Variants in LDAH observed in about 807,000 individuals in gnomAD.
The protein encoded by LDAH is lipid droplet associated hydrolase, also known as lipid droplet-associated hydrolase.
In LDAH, 26 loss-of-function variants were observed where a neutral mutation model predicts 29.6. The observed-to-expected ratio is 0.88, with a 90% confidence interval of 0.64 to 1.22. The LOEUF is 1.22. Ranked by LOEUF, LDAH falls within the 50% of genes most tolerant of loss-of-function variation. LDAH has a pLI of 0.00. For synonymous variants in LDAH, 117 were observed against 133.0 expected, an observed-to-expected ratio of 0.88 and a Z score of 0.83; for missense variants, 344 against 387.3, an observed-to-expected ratio of 0.89 and a Z score of 0.94.
Position 20,701,611 on chromosome 2 carries a change from C to T in LDAH, c.745G>A (p.Val249Met), listed in dbSNP as rs749986815. Reference sequence around the variant, plus strand: ...TTTATGGTTTCGTCATCTCTCTTCACCACCTCCATCATTTCTTGGCCCCCA... The same window carrying T: ...TTTATGGTTTCGTCATCTCTCTTCATCACCTCCATCATTTCTTGGCCCCCA... ...YLGGQEMMEV[V>M]KRDDETIKEH... The change falls in exon 6 of 7, where the codon GTG becomes ATG. Residue 249 changes from valine to methionine, a missense_variant. Val to Met is a conservative substitution (Grantham distance 21, BLOSUM62 1). Coordinates refer to ENST00000237822, the MANE Select transcript of LDAH (RefSeq NM_021925.4). 1.9e-6 allele frequency: 3 copies of T among 1,614,110 alleles called. No individual in the cohort carries two copies. Among genetic ancestry groups the T allele is most frequent in the East Asian group, 2.2e-5 (1 of 44,870 alleles).
At chr2:20,816,302 A>G (rs1055779062) in intron 1 of LDAH, among the ~76,000 whole-genome samples, 2 of 152,138 alleles carry the variant, frequency 1.3e-5, no homozygotes, top group Admixed American at 1.3e-4. Flanking sequence ...TGTAAATGAT[A>G]TAACTATACT....
intron 5 of LDAH, among the ~76,000 whole-genome samples, chr2:20,704,476 A>T (rs1407514164): frequency 6.6e-6 from 1 of 152,242 alleles, no homozygotes; most frequent in Non-Finnish European, 1.5e-5. Flanking sequence ...ATTATTCTAT[A>T]ACCTATTAAA....
At chr2:20,747,295 A>G (rs1667636417) in intron 4 of LDAH, among the ~76,000 whole-genome samples, 1 of 152,128 alleles carries the variant, frequency 6.6e-6, no homozygotes. Context: ...AACATCTTCA[A>G]AAAAACATTA....
intron 4 of LDAH, among the ~76,000 whole-genome samples, chr2:20,767,039 A>AGGGCCACAATCTGGGCGAGG (rs1409446137): frequency 6.6e-6 from 1 of 152,212 alleles, no homozygotes; most frequent in Non-Finnish European, 1.5e-5. Flanking sequence ...CGCACTGGGC[A>AGGGCCACAATCTGGGCGAGG]GGGCCACAAT....
At chr2:20,817,872 G>T (rs986290576) in intron 1 of LDAH, among the ~76,000 whole-genome samples, 2 of 151,848 alleles carry the variant, frequency 1.3e-5, no homozygotes, top group African/African-American at 2.4e-5. Flanking sequence ...ATCTCAAAAA[G>T]TTACATACGG....
intron 1 of LDAH, 120 bp downstream of exon 1, chr2:20,822,917 G>T (rs917862930): frequency 6.6e-6 from 1 of 152,290 alleles, no homozygotes. Context: ...GGGCCATCTG[G>T]CCCAGGGCAA....
chr2:20,762,085 T>G (rs1668728027), intron 4 of LDAH, among the ~76,000 whole-genome samples: 1 of 152,098 alleles, frequency 6.6e-6, no homozygotes, highest in Non-Finnish European at 1.5e-5. Context: ...ATCCTTAATA[T>G]TCTATAATTA....
intron 5 of LDAH, among the ~76,000 whole-genome samples, chr2:20,708,436 A>G (rs2149367501): frequency 6.6e-6 from 1 of 152,376 alleles, no homozygotes. Flanking sequence ...ATAGAAGTAC[A>G]AAAATATCCA....
Position 20,740,009 on chromosome 2 carries a change from T to G in LDAH, c.665A>C (p.Glu222Ala). 6.2e-7 allele frequency: 1 copy of G among 1,614,056 alleles called. No individual in the cohort carries two copies. The highest frequency in any genetic ancestry group is 8.5e-7 in the Non-Finnish European group (1 of 1,179,942). Residue 222 changes from glutamate to alanine, a missense_variant, in exon 5 of 7, where the codon GAA (glutamate) becomes GCA (alanine). Coordinates refer to ENST00000237822, the MANE Select transcript of LDAH (RefSeq NM_021925.4). The stretch of plus-strand genomic sequence containing the variant: ...TTCTAATATATTCAATGGTGAAAAT[T>G]CATTCTCTAGGTTCATTACTTGAAG... ...RGLQVMNLEN[E>A]FSPLNILEPF...
rs1663623691 is a variant in LDAH at position 20,698,071 on chromosome 2, G to A, written c.786+3499C>T. On this transcript the variant is annotated intron_variant, in intron 6 of 6. Coordinates refer to ENST00000237822, the MANE Select transcript of LDAH (RefSeq NM_021925.4). The surrounding 1 kb of genome is among the most constrained non-coding windows in gnomAD (Gnocchi z 4.4). The stretch of plus-strand genomic sequence containing the variant: ...ACATCATTGTGAGTAGAATCCAAAA[G>A]CTTTATGAGAGAGCGAAAGAGATGC... Among the ~76,000 whole-genome samples, 1 of 152,126 alleles carries A rather than the reference G, an allele frequency of 6.6e-6. No homozygotes were observed. The highest frequency in any genetic ancestry group is 2.1e-4 in the South Asian group (1 of 4,826).
At position 20,776,931 on chromosome 2, in the gene LDAH, G is replaced by T. The variant is rs79025462; in HGVS notation, c.299-1952C>A. On this transcript the variant is annotated intron_variant, in intron 3 of 6. Coordinates refer to ENST00000237822, the MANE Select transcript of LDAH (RefSeq NM_021925.4). Reference sequence around the variant, plus strand: ...GGCTCTGGAGATGAGATACATCTGGGTTTAAATCTCAGCTCAGCATCTCCC... The same window carrying T: ...GGCTCTGGAGATGAGATACATCTGGTTTTAAATCTCAGCTCAGCATCTCCC... Among the ~76,000 whole-genome samples, 280 of 152,308 alleles carry T rather than the reference G, an allele frequency of 1.8e-3. 7 individuals carry two copies. The East Asian group carries it at 0.049, about 27-fold the overall frequency.
chr2:20,769,468 C>T (rs1181816376), intron 4 of LDAH, among the ~76,000 whole-genome samples: 3 of 152,280 alleles, frequency 2.0e-5, no homozygotes, highest in East Asian at 1.9e-4. Context: ...AATATGAATG[C>T]TTCTTACAAG....
At chr2:20,752,746 G>C (rs1668052320) in intron 4 of LDAH, among the ~76,000 whole-genome samples, 1 of 152,212 alleles carries the variant, frequency 6.6e-6, no homozygotes, top group Admixed American at 6.5e-5. Flanking sequence ...GTATCACTGG[G>C]CTGAAATAAA....
intron 5 of LDAH, among the ~76,000 whole-genome samples, chr2:20,707,714 G>A (rs1558396281): frequency 6.6e-6 from 1 of 152,232 alleles, no homozygotes; most frequent in Non-Finnish European, 1.5e-5. Flanking sequence ...TCCCTGAATT[G>A]AGAATAGTCA....
intron 4 of LDAH, among the ~76,000 whole-genome samples, chr2:20,762,527 TA>T (rs1288202430): frequency 2.0e-5 from 3 of 152,078 alleles, no homozygotes; most frequent in Admixed American, 6.5e-5. Flanking sequence ...GTAATAGTAA[TA>T]GTTAATTTTG....
chr2:20,750,104 CA>C (rs1370092297), intron 4 of LDAH, among the ~76,000 whole-genome samples: 2 of 150,132 alleles, frequency 1.3e-5, no homozygotes, highest in Non-Finnish European at 2.9e-5. Context: ...CAGCTCACTG[CA>C]ACCACCACCT....
chr2:20,689,087 T>A (rs1261412379), intron 6 of LDAH, among the ~76,000 whole-genome samples: 1 of 151,990 alleles, frequency 6.6e-6, no homozygotes, highest in African/African-American at 2.4e-5. Context: ...GAACATGCCA[T>A]GTCTGGTTTT....
chr2:20,690,445 G>A (rs558518507), intron 6 of LDAH, among the ~76,000 whole-genome samples: 1 of 152,282 alleles, frequency 6.6e-6, no homozygotes, highest in East Asian at 1.9e-4. Flanking sequence ...GTGGGCTCAC[G>A]TTTTGTAAAA....
At chr2:20,745,626 C>T (rs1235007351) in intron 4 of LDAH, among the ~76,000 whole-genome samples, 1 of 151,934 alleles carries the variant, frequency 6.6e-6, no homozygotes, top group Non-Finnish European at 1.5e-5. Flanking sequence ...TCATATTGTA[C>T]CAATCTATAT....
Sources: allele counts gnomAD v4.1 joint callset (sites outside exome capture counted in the v4.1 genomes callset), GRCh38; gene constraint gnomAD v4.1.1; non-coding constraint Gnocchi (gnomAD v3.1); transcripts MANE v1.5; gene names NCBI Gene and HGNC (gene_info 2026-07-23, HGNC 2026-07-21).